ZFP64: variants seen among roughly 807,000 people sequenced by gnomAD.
ZFP64 encodes ZFP64 zinc finger protein, also known as zinc finger protein 64.
ZFP64 carries 14 observed loss-of-function variants against 51.6 expected under a neutral mutation model. That is an observed-to-expected ratio of 0.27 (90% CI 0.18 to 0.42). The LOEUF (loss-of-function observed/expected upper bound fraction) is 0.42, where lower values mean the gene tolerates loss of function less well. Among genes scored for constraint, ZFP64 ranks in the 10% least tolerant of loss-of-function variants. The pLI is 1.00. For missense variants in ZFP64, 754 were observed against 906.8 expected (o/e 0.83, Z 2.16); for synonymous variants, 375 against 361.4 (o/e 1.04, Z -0.43).
chr20:52,168,398 C>G (rs962011173), intron 2 of ZFP64, among the ~76,000 whole-genome samples: 1 of 152,194 alleles, frequency 6.6e-6, no homozygotes, highest in Non-Finnish European at 1.5e-5. Flanking sequence ...TTCTCTCGCT[C>G]TGCTTGGTTC....
intron 4 of ZFP64, among the ~76,000 whole-genome samples, chr20:52,161,698 C>T (rs1600777891): frequency 6.6e-6 from 1 of 152,120 alleles, no homozygotes; most frequent in Non-Finnish European, 1.5e-5. Context: ...TGAAAAGAAG[C>T]AAGTTGCACT....
intron 2 of ZFP64, among the ~76,000 whole-genome samples, chr20:52,183,857 T>C (rs2123119861): frequency 1.3e-5 from 2 of 152,292 alleles, no homozygotes; most frequent in Admixed American, 1.3e-4. Context: ...AAAGTTGGTT[T>C]CCTTTTTATT....
intron 2 of ZFP64, among the ~76,000 whole-genome samples, chr20:52,172,347 T>G (rs921171956): frequency 3.3e-5 from 5 of 152,086 alleles, no homozygotes; most frequent in Non-Finnish European, 7.3e-5. Flanking sequence ...ATGGGGATAT[T>G]GCAGTGATCT....
chr20:52,102,703 A>G (rs767303720), intron 5 of ZFP64, among the ~76,000 whole-genome samples: 1 of 152,214 alleles, frequency 6.6e-6, no homozygotes, highest in Non-Finnish European at 1.5e-5. Context: ...ACCAGCTGAT[A>G]AGTTTCAATT....
intron 7 of ZFP64, among the ~76,000 whole-genome samples, chr20:52,089,839 CA>C (rs1476576026): frequency 2.0e-5 from 3 of 151,662 alleles, no homozygotes; most frequent in Non-Finnish European, 4.4e-5. Context: ...ATGCACTATT[CA>C]AATGTAATGT....
At chr20:52,119,529 AAAAAATAT>A (rs201941848) in intron 5 of ZFP64, among the ~76,000 whole-genome samples, 39 of 75,244 alleles carry the variant, frequency 5.2e-4, no homozygotes, top group African/African-American at 2.0e-3. Flanking sequence ...CTAAAAAAAA[AAAAAATAT>A]ATATATATAT....
At chr20:52,150,251 T>A (rs1171758870), downstream of ZFP64, among the ~76,000 whole-genome samples, 3 of 151,114 alleles carry the variant, frequency 2.0e-5, no homozygotes, top group African/African-American at 7.3e-5. Context: ...ATGGTTACAA[T>A]CTGTATAGTT....
intron 2 of ZFP64, among the ~76,000 whole-genome samples, chr20:52,182,283 G>C (rs1415379692): frequency 3.3e-5 from 5 of 152,158 alleles, no homozygotes; most frequent in Non-Finnish European, 5.9e-5. Context: ...CACTGTGCAG[G>C]GGAGGGCTCT....
At chr20:52,158,477 G>A (rs1043492050) in intron 5 of ZFP64, among the ~76,000 whole-genome samples, 3 of 152,150 alleles carry the variant, frequency 2.0e-5, no homozygotes, top group Non-Finnish European at 4.4e-5. Flanking sequence ...AGGTTGAGGC[G>A]GGTGGATTGC....
At position 52,191,715 on chromosome 20, in the gene ZFP64, C is replaced by A. The variant is rs1412907957; in HGVS notation, c.-79G>T. On this transcript the variant is annotated 5_prime_UTR_variant, in exon 1 of 6. The change creates a new upstream start codon in the 5' untranslated region. Coordinates refer to ENST00000216923, the MANE Select transcript of ZFP64 (RefSeq NM_018197.3). This position sits in a 1 kb window ranked among gnomAD's most constrained non-coding sequence, Gnocchi z 4.3. ...GATCTACATGGTGCAAGGACTTTTC[C>A]TTTTATTTTTCCACACCCCCCACCC... is the stretch of plus-strand genomic sequence containing the variant. The A allele has an allele frequency of 2.7e-6, 4 of 1,462,756 alleles. No homozygotes were observed. Among genetic ancestry groups the A allele is most frequent in the Non-Finnish European group, 3.6e-6 (4 of 1,101,542 alleles). 90.6% of individuals were successfully genotyped at this position (1,462,756 alleles called of 1,614,324 possible).
chr20:52,176,583 C>G (rs1953797721), intron 2 of ZFP64, among the ~76,000 whole-genome samples: 1 of 150,656 alleles, frequency 6.6e-6, no homozygotes, highest in Non-Finnish European at 1.5e-5. Flanking sequence ...AATCTCGGCT[C>G]ACTGCAAGCT....
intron 2 of ZFP64, among the ~76,000 whole-genome samples, chr20:52,177,526 T>C (rs1455944748): frequency 6.6e-6 from 1 of 151,898 alleles, no homozygotes; most frequent in African/African-American, 2.4e-5. Flanking sequence ...TGCTTGTGGG[T>C]GTGCCTGAGA....
At chr20:52,179,799 T>C (rs2123105495) in intron 2 of ZFP64, among the ~76,000 whole-genome samples, 2 of 152,302 alleles carry the variant, frequency 1.3e-5, no homozygotes, top group South Asian at 4.1e-4. Context: ...TCATGTTAGA[T>C]GCTTTTGGAG....
chr20:52,144,578 C>CAAAAAAAAA (rs1156545584), intron 5 of ZFP64, among the ~76,000 whole-genome samples: 362 of 23,316 alleles, frequency 0.016, 88 homozygotes, highest in Middle Eastern at 0.062. Context: ...GACTCCGTCT[C>CAAAAAAAAA]AAAAAAAAAA....
chr20:52,172,458 T>C (rs1982833848), intron 2 of ZFP64, among the ~76,000 whole-genome samples: 1 of 152,196 alleles, frequency 6.6e-6, no homozygotes, highest in South Asian at 2.1e-4. Flanking sequence ...CAGTGGACAT[T>C]ACGGTAACTA....
intron 5 of ZFP64, chr20:52,104,653 C>T (rs1448640446): frequency 4.2e-6 from 2 of 471,244 alleles, no homozygotes; most frequent in East Asian, 1.4e-4. Flanking sequence ...CCCCGGGTAC[C>T]TGCACAGCTC....
At chr20:52,095,292 T>C (rs1487079325) in intron 7 of ZFP64, among the ~76,000 whole-genome samples, 1 of 152,012 alleles carries the variant, frequency 6.6e-6, no homozygotes, top group Admixed American at 6.6e-5. Context: ...TGAGCTCGAG[T>C]GGTGTGGCTT....
intron 2 of ZFP64, among the ~76,000 whole-genome samples, chr20:52,170,570 A>G (rs1036130214): frequency 1.8e-4 from 27 of 152,204 alleles, no homozygotes; most frequent in African/African-American, 6.5e-4. Context: ...ATGGCTATAG[A>G]CCAGAAAGGG....
intron 2 of ZFP64, among the ~76,000 whole-genome samples, chr20:52,170,645 G>A (rs1387679614): frequency 1.3e-5 from 2 of 152,170 alleles, no homozygotes; most frequent in African/African-American, 4.8e-5. Context: ...TGGAGAATGT[G>A]GACAATTTCC....
Sources: gnomAD v4.1 joint callset for allele counts (sites outside exome capture counted in the v4.1 genomes callset) on GRCh38, gnomAD v4.1.1 for gene constraint, Gnocchi (gnomAD v3.1) non-coding constraint, MANE v1.5 for transcripts, NCBI Gene and HGNC (gene_info 2026-07-23, HGNC 2026-07-21) for gene names.